Variants in PNPLA1 observed in about 807,000 individuals in gnomAD.
PNPLA1 encodes patatin like domain 1, omega-hydroxyceramide transacylase, also known as omega-hydroxyceramide transacylase.
Under a neutral mutation model 51.7 loss-of-function variants are expected in PNPLA1, and 36 were observed. That is an observed-to-expected ratio of 0.70 (90% CI 0.53 to 0.92). PNPLA1 has a LOEUF of 0.92. PNPLA1 is among the 40% of genes least tolerant of loss of function. The pLI is 0.00. For synonymous variants in PNPLA1, 293 were observed against 280.1 expected (o/e 1.05, Z -0.46); for missense variants, 658 against 682.5 (o/e 0.96, Z 0.40).
Position 36,299,585 on chromosome 6 carries a change from C to T in PNPLA1, c.776-2276C>T, listed in dbSNP as rs556878782. The stretch of plus-strand genomic sequence containing the variant: ...TCTTGACCTCGTGATCCACCCGCCT[C>T]GGCCTCCCAAAGTGCTGGGATTACA... On this transcript the variant is annotated intron_variant, in intron 5 of 8. Coordinates refer to ENST00000636260, the MANE Select transcript of PNPLA1 (RefSeq NM_001374623.1). Among the ~76,000 whole-genome samples the T allele has an allele frequency of 4.7e-3, 717 of 152,276 alleles. 3 individuals carry two copies. The highest frequency in any genetic ancestry group is 0.014 in the Middle Eastern group (4 of 294).
intron 1 of PNPLA1, among the ~76,000 whole-genome samples, chr6:36,245,063 T>C (rs1017030671): frequency 6.6e-6 from 1 of 152,248 alleles, no homozygotes; most frequent in Non-Finnish European, 1.5e-5. Flanking sequence ...CCGCAGGTCA[T>C]AGGTGGATTC....
At chr6:36,244,515 G>C (rs1769222206) in intron 1 of PNPLA1, among the ~76,000 whole-genome samples, 1 of 151,760 alleles carries the variant, frequency 6.6e-6, no homozygotes, top group South Asian at 2.1e-4. Context: ...TCCTCTATTT[G>C]GTGGATGTAG....
At chr6:36,268,932 G>A (rs373522869), upstream of PNPLA1, among the ~76,000 whole-genome samples, 1 of 149,876 alleles carries the variant, frequency 6.7e-6, no homozygotes, top group East Asian at 2.0e-4. Flanking sequence ...CACCCCAGCA[G>A]TATGCCTCAG....
intron 3 of PNPLA1, 77 bp downstream of exon 3, chr6:36,293,203 C>T (rs1296283977): frequency 4.9e-6 from 7 of 1,427,766 alleles, no homozygotes; most frequent in Admixed American, 1.7e-5. Context: ...CCTGGGGGAG[C>T]AGGGGGGTGG....
chr6:36,280,314 T>A (rs1770241443), intron 1 of PNPLA1, among the ~76,000 whole-genome samples: 1 of 152,212 alleles, frequency 6.6e-6, no homozygotes, highest in Admixed American at 6.5e-5. Flanking sequence ...TTTGCAGGAA[T>A]TCTGTGTGGC....
chr6:36,250,037 C>T (rs1301491928), intron 1 of PNPLA1, among the ~76,000 whole-genome samples: 2 of 152,216 alleles, frequency 1.3e-5, no homozygotes, highest in African/African-American at 4.8e-5. Context: ...TTATTAAGCA[C>T]ATACTCCTCA....
At chr6:36,299,460 G>A (rs1474671547) in intron 5 of PNPLA1, among the ~76,000 whole-genome samples, 2 of 151,014 alleles carry the variant, frequency 1.3e-5, no homozygotes, top group Non-Finnish European at 2.9e-5. Flanking sequence ...TCAGTCTCCC[G>A]AGTAGCTGGG....
At chr6:36,249,855 G>A (rs1450173439) in intron 1 of PNPLA1, among the ~76,000 whole-genome samples, 1 of 152,130 alleles carries the variant, frequency 6.6e-6, no homozygotes, top group Admixed American at 6.5e-5. Flanking sequence ...CTGTCCTAAG[G>A]TTGCAAAGAT....
At chr6:36,289,153 GT>G (rs1406161368) in intron 1 of PNPLA1, among the ~76,000 whole-genome samples, 1 of 152,150 alleles carries the variant, frequency 6.6e-6, no homozygotes, top group Non-Finnish European at 1.5e-5. Flanking sequence ...ATTTTTAAAA[GT>G]TTTTCCACAA....
Position 36,291,480 on chromosome 6 carries a change from G to A in PNPLA1, c.366G>A (p.Val122=), listed in dbSNP as rs769420219. The part of the protein sequence containing the change: ...SYKVTTGKLH[V]SLTRLTDGEN... ...AGGTCACCACGGGGAAGCTCCATGTGAGCCTCACCCGCTTAACGGACGGGG... is the reference window on the plus strand; with the variant it reads ...AGGTCACCACGGGGAAGCTCCATGTAAGCCTCACCCGCTTAACGGACGGGG... The change falls in exon 2 of 9, where the codon GTG becomes GTA. Residue 122 remains valine (V), a synonymous_variant. Coordinates refer to ENST00000636260, the MANE Select transcript of PNPLA1 (RefSeq NM_001374623.1). 5 of 1,609,842 alleles carry A rather than the reference G, an allele frequency of 3.1e-6. No individual in the cohort carries two copies. The highest frequency in any genetic ancestry group is 4.2e-6 in the Non-Finnish European group (5 of 1,177,610).
At chr6:36,296,774 T>C (rs6918225) in intron 5 of PNPLA1, among the ~76,000 whole-genome samples, 97,737 of 151,882 alleles carry the variant, frequency 0.64, 31,608 homozygotes, top group Admixed American at 0.7. Context: ...AAGGCCCCCA[T>C]CCCACCCACA....
chr6:36,268,147 C>T (rs1342727185), upstream of PNPLA1, among the ~76,000 whole-genome samples: 3 of 152,186 alleles, frequency 2.0e-5, no homozygotes, highest in African/African-American at 7.2e-5. Context: ...CCTCTCCAAG[C>T]TCCTCCTCAT....
At chr6:36,295,508 T>G in intron 5 of PNPLA1, 84 bp downstream of exon 5, 1 of 1,411,484 alleles carries the variant, frequency 7.1e-7, no homozygotes. Context: ...TGGAGGGGTA[T>G]TCCCCCCAGA....
At chr6:36,250,067 G>A (rs1769387793) in intron 1 of PNPLA1, among the ~76,000 whole-genome samples, 1 of 152,144 alleles carries the variant, frequency 6.6e-6, no homozygotes, top group Non-Finnish European at 1.5e-5. Flanking sequence ...AACGCTTTCG[G>A]TTGGCTACCC....
intron 5 of PNPLA1, among the ~76,000 whole-genome samples, chr6:36,297,461 C>T (rs1770892400): frequency 6.6e-6 from 1 of 152,190 alleles, no homozygotes; most frequent in South Asian, 2.1e-4. Context: ...CCCAGCCTCC[C>T]CTGGGCTGCT....
chr6:36,291,094 A>G (rs925022609), intron 1 of PNPLA1, among the ~76,000 whole-genome samples: 1 of 152,148 alleles, frequency 6.6e-6, no homozygotes, highest in Admixed American at 6.5e-5. Flanking sequence ...CAGCTCCATC[A>G]TTGCCTAGCT....
chr6:36,256,797 T>C (rs1055196129), intron 1 of PNPLA1, among the ~76,000 whole-genome samples: 2 of 152,100 alleles, frequency 1.3e-5, no homozygotes, highest in Admixed American at 1.3e-4. Flanking sequence ...AAACAGACAG[T>C]AGACAGATTA....
rs61365486 is a variant in PNPLA1, at chr6:36,282,249, G to GGAAAGAAA, written c.206-9052_206-9045dup. 1.2e-3 allele frequency among the ~76,000 whole-genome samples: 137 copies of GGAAAGAAA among 112,050 alleles called. 1 individual carries two copies. The highest frequency in any genetic ancestry group is 3.9e-3 in the Admixed American group (44 of 11,362). The allele number at this position is 112,050 out of a possible 152,430, so 73.5% of individuals were successfully genotyped here. ...AGGAAGGAAGGAAAGAAAGAAAGAA[G>GGAAAGAAA]GAAAGAAAGAAAGAAAGAAAGAAAG... On this transcript the variant is annotated intron_variant, in intron 1 of 8. Transcript: ENST00000636260.
At chr6:36,307,897 G>A in intron 8 of PNPLA1, 185 bp downstream of exon 8, 1 of 671,986 alleles carries the variant, frequency 1.5e-6, no homozygotes, top group Non-Finnish European at 2.3e-6. Flanking sequence ...AGGGATCATG[G>A]TTGGGACACT....
Sources: gnomAD v4.1 joint callset for allele counts (sites outside exome capture counted in the v4.1 genomes callset) on GRCh38, gnomAD v4.1.1 for gene constraint, MANE v1.5 for transcripts, NCBI Gene and HGNC (gene_info 2026-07-23, HGNC 2026-07-21) for gene names.